Variants in TRAF3 observed in about 807,000 individuals in gnomAD.
TRAF3 encodes the protein TNF receptor associated factor 3.
Under a neutral mutation model 62.3 loss-of-function variants are expected in TRAF3, and 13 were observed. The observed-to-expected ratio is 0.21, with a 90% CI of 0.14 to 0.33. TRAF3 has a LOEUF of 0.33. TRAF3 is among the 10% of genes least tolerant of loss of function. TRAF3 has a pLI of 1.00. For synonymous variants in TRAF3, 269 were observed against 283.4 expected (o/e 0.95, Z 0.51); for missense variants, 440 against 741.8 (o/e 0.59, Z 4.73).
chr14:102,903,719 G>T lies in TRAF3; in HGVS notation c.1135+290G>T, dbSNP rs767270198. 3 of 549,866 alleles carry T rather than the reference G, an allele frequency of 5.5e-6. No individual in the cohort carries two copies. Among genetic ancestry groups the T allele is most frequent in the Non-Finnish European group, 1.0e-5 (3 of 288,980 alleles). 34.1% of individuals were successfully genotyped at this position (549,866 alleles called of 1,614,324 possible). A position where few individuals can be genotyped will look rare whatever the true frequency, so the allele number is the denominator to read the frequency against. ...AAAGCCCTCCTGGGAGAGACTGGCC[G>T]CAGGGTGACCCACAGGACAGGCCCA... is the stretch of plus-strand genomic sequence containing the variant. On this transcript the variant is annotated intron_variant, in intron 11 of 11. Coordinates refer to ENST00000392745, the MANE Select transcript of TRAF3 (RefSeq NM_145725.3). The surrounding 1 kb of genome is among the most constrained non-coding windows in gnomAD (Gnocchi z 6.4).
chr14:102,902,657 A>G (rs1890363078), intron 10 of TRAF3, among the ~76,000 whole-genome samples: 1 of 152,210 alleles, frequency 6.6e-6, no homozygotes, highest in Non-Finnish European at 1.5e-5. Context: ...CGAGGGCTGC[A>G]GAGGAGATGT....
At chr14:102,865,146 A>C (rs1236038793) in intron 2 of TRAF3, among the ~76,000 whole-genome samples, 1 of 152,164 alleles carries the variant, frequency 6.6e-6, no homozygotes, top group Non-Finnish European at 1.5e-5. Context: ...GTCAAGAGTC[A>C]TCAGTAAACC....
At chr14:102,889,516 A>G in intron 7 of TRAF3, 44 bp from the exon 8 acceptor site, 1 of 1,597,600 alleles carries the variant, frequency 6.3e-7, no homozygotes. Context: ...GAACATTTTC[A>G]TGCAAACGTT....
At chr14:102,846,010 T>A (rs8023129) in intron 2 of TRAF3, among the ~76,000 whole-genome samples, 4,849 of 66,910 alleles carry the variant, frequency 0.072, 206 homozygotes, top group East Asian at 0.17. Flanking sequence ...AAAAAAAAAA[T>A]ACTATTATAC....
At chr14:102,800,465 C>T (rs575248071) in intron 1 of TRAF3, among the ~76,000 whole-genome samples, 1 of 152,282 alleles carries the variant, frequency 6.6e-6, no homozygotes, top group Admixed American at 6.5e-5. Context: ...AGTTATTTGG[C>T]CTTTCTGAAC....
intron 2 of TRAF3, among the ~76,000 whole-genome samples, chr14:102,849,002 A>G (rs982292696): frequency 6.6e-6 from 1 of 152,000 alleles, no homozygotes; most frequent in African/African-American, 2.4e-5. Flanking sequence ...GGGTCTTGCT[A>G]TGTTGCCCAG....
intron 1 of TRAF3, among the ~76,000 whole-genome samples, chr14:102,820,586 AT>A (rs1377946829): frequency 1.7e-4 from 1 of 5,780 alleles, no homozygotes; most frequent in African/African-American, 7.8e-4. Context: ...ATATATATAT[AT>A]ATATATATAT....
At chr14:102,904,971 G>T (rs1890513011) in intron 11 of TRAF3, among the ~76,000 whole-genome samples, 1 of 152,172 alleles carries the variant, frequency 6.6e-6, no homozygotes, top group Non-Finnish European at 1.5e-5. Flanking sequence ...AATTAGCCAG[G>T]CGTGGTGGCA....
At chr14:102,813,637 G>T (rs1899337468) in intron 1 of TRAF3, among the ~76,000 whole-genome samples, 1 of 151,866 alleles carries the variant, frequency 6.6e-6, no homozygotes, top group South Asian at 2.1e-4. Context: ...TTTTAATAGA[G>T]ATGGGAGTTT....
rs757986175 is a variant in TRAF3 at position 102,886,286 on chromosome 14, C to G, written c.651+17C>G. On this transcript the variant is annotated intron_variant, in intron 7 of 11. Coordinates refer to ENST00000392745, the MANE Select transcript of TRAF3 (RefSeq NM_145725.3). ...AGGAGCGAGGTAGGGGCGGCCGGGC[C>G]CGGCCGGGAGTCTGTGGAGTCCTCA... 1.9e-6 allele frequency: 3 copies of G among 1,600,630 alleles called. No individual in the cohort carries two copies. The highest frequency in any genetic ancestry group is 2.7e-5 in the African/African-American group (2 of 74,628).
chr14:102,883,982 C>T (rs1346249678), intron 6 of TRAF3, among the ~76,000 whole-genome samples: 3 of 152,200 alleles, frequency 2.0e-5, no homozygotes, highest in Non-Finnish European at 2.9e-5. Context: ...AAAAAATCAG[C>T]AGCAGATTCA....
intron 10 of TRAF3, among the ~76,000 whole-genome samples, chr14:102,901,754 C>T (rs2139995724): frequency 6.6e-6 from 1 of 152,298 alleles, no homozygotes; most frequent in East Asian, 1.9e-4. Context: ...AAAAAGCCAC[C>T]CAGACCTGTC....
At chr14:102,843,862 A>G (rs1177151663) in intron 2 of TRAF3, among the ~76,000 whole-genome samples, 1 of 152,220 alleles carries the variant, frequency 6.6e-6, no homozygotes, top group African/African-American at 2.4e-5. Flanking sequence ...GAAACTGATA[A>G]GGAAGAAAAA....
At chr14:102,859,522 CAA>C (rs1024058613) in intron 2 of TRAF3, among the ~76,000 whole-genome samples, 6 of 152,212 alleles carry the variant, frequency 3.9e-5, no homozygotes, top group African/African-American at 1.4e-4. Flanking sequence ...TTTCAAAAGT[CAA>C]AGAGGCAGTT....
chr14:102,818,974 C>G (rs999142676), intron 1 of TRAF3, among the ~76,000 whole-genome samples: 2 of 150,656 alleles, frequency 1.3e-5, no homozygotes, highest in Admixed American at 1.3e-4. Context: ...TTAAAAATTA[C>G]AAGAGGCTGA....
At chr14:102,892,665 A>G (rs1277630688) in intron 9 of TRAF3, among the ~76,000 whole-genome samples, 2 of 152,268 alleles carry the variant, frequency 1.3e-5, no homozygotes, top group African/African-American at 2.4e-5. Context: ...TGAGTTTCGT[A>G]AAGATTTGAA....
chr14:102,811,905 G>T, intron 1 of TRAF3, among the ~76,000 whole-genome samples: 1 of 105,738 alleles, frequency 9.5e-6, no homozygotes, highest in Admixed American at 1.1e-4. Context: ...GTGCCACCAT[G>T]CCTGGCCCTT....
chr14:102,781,292 A>G (rs568290331), intron 1 of TRAF3, among the ~76,000 whole-genome samples: 23 of 152,296 alleles, frequency 1.5e-4, no homozygotes, highest in Non-Finnish European at 2.8e-4. Flanking sequence ...CCAGTTGGGA[A>G]GTTGCATGTG....
intron 1 of TRAF3, among the ~76,000 whole-genome samples, chr14:102,801,932 C>T (rs1408115562): frequency 6.7e-6 from 1 of 148,150 alleles, no homozygotes; most frequent in Non-Finnish European, 1.5e-5. Context: ...AGGAGAATGG[C>T]GTGAACCCGG....
Sources: gnomAD v4.1 joint callset for allele counts (sites outside exome capture counted in the v4.1 genomes callset) on GRCh38, gnomAD v4.1.1 for gene constraint, Gnocchi (gnomAD v3.1) non-coding constraint, MANE v1.5 for transcripts, NCBI Gene and HGNC (gene_info 2026-07-23, HGNC 2026-07-21) for gene names.